Variants in FNDC3A observed in about 807,000 individuals in gnomAD.
The protein encoded by FNDC3A is fibronectin type III domain containing 3A.
Under a neutral mutation model 148.9 loss-of-function variants are expected in FNDC3A, and 32 were observed. The ratio of observed to expected loss-of-function variants is 0.21; its 90% confidence interval spans 0.16 to 0.29. The LOEUF (loss-of-function observed/expected upper bound fraction) is 0.29, where lower values mean the gene tolerates loss of function less well. Ranked by LOEUF, FNDC3A falls within the 10% of genes least tolerant of loss-of-function variation. FNDC3A has a pLI of 1.00. For missense variants in FNDC3A, 1,191 were observed against 1,452.8 expected, an observed-to-expected ratio of 0.82 and a Z score of 2.93; for synonymous variants, 472 against 473.6, an observed-to-expected ratio of 1.00 and a Z score of 0.04.
rs141012822 is a variant in FNDC3A at position 49,075,516 on chromosome 13, C to T, written c.175+152C>T. The T allele has an allele frequency of 2.0e-3, 1,059 of 540,566 alleles. 3 individuals are homozygous for T. Among genetic ancestry groups the T allele is most frequent in the Middle Eastern group, 0.016 (34 of 2,062 alleles). The allele number at this position is 540,566 out of a possible 1,614,324, so 33.5% of individuals were successfully genotyped here. On this transcript the variant is annotated intron_variant, in intron 3 of 25. Coordinates refer to ENST00000492622, the MANE Select transcript of FNDC3A (RefSeq NM_001079673.2). ...CTGATATCTTAGCATTTAAGTATTG[C>T]AGTGTCATTCTAACTAGTCTCTTTG...
intron 2 of FNDC3A, among the ~76,000 whole-genome samples, chr13:49,025,577 C>T (rs563186550): frequency 3.3e-5 from 5 of 152,138 alleles, no homozygotes; most frequent in African/African-American, 1.2e-4. Flanking sequence ...GTAAACTTAA[C>T]TGATACACTA....
chr13:49,066,904 T>C (rs1471083640), intron 2 of FNDC3A, among the ~76,000 whole-genome samples: 1 of 152,182 alleles, frequency 6.6e-6, no homozygotes, highest in Non-Finnish European at 1.5e-5. Context: ...AACCCATTCA[T>C]ATGAGACTAG....
In FNDC3A at chr13:49,131,241, A is replaced by G. The variant is rs1175666391; in HGVS notation, c.357A>G (p.Leu119=). ...TVLHRSPHPP[L]PGFIPVPTMM... ...TCCACCGTTCTCCACATCCTCCTCT[A>G]CCTGGTTTCATTCCTGTCCCAACTA... is the stretch of plus-strand genomic sequence containing the variant. Residue 119 remains leucine (L), a synonymous_variant, in exon 5 of 26, where the codon CTA becomes CTG. Coordinates refer to ENST00000492622, the MANE Select transcript of FNDC3A (RefSeq NM_001079673.2). 1.2e-6 allele frequency: 2 copies of G among 1,613,826 alleles called. No individual in the cohort carries two copies. The highest frequency in any genetic ancestry group is 2.2e-5 in the South Asian group (2 of 91,052).
At chr13:49,154,032 G>T (rs1883493130) in intron 8 of FNDC3A, among the ~76,000 whole-genome samples, 1 of 112,422 alleles carries the variant, frequency 8.9e-6, no homozygotes, top group Non-Finnish European at 1.8e-5. Flanking sequence ...GAACTTTAAA[G>T]TAGTTTTTTC....
In FNDC3A at chr13:49,188,633, G is replaced by A. The variant is rs1418645069; in HGVS notation, c.1944G>A (p.Ala648=). ...GCATCAGTGATGGAGGACAGAGTGC[G>A]GTAATACTTATATGTAGATTCTTTT... The part of the protein sequence containing the change: ...VYCISDGGQS[A]VSESLLVQTP... Residue 648 remains alanine, a splice_region_variant and synonymous_variant, in exon 17 of 26, where the codon GCG becomes GCA. Transcript: ENST00000492622. 3 of 1,583,078 alleles carry A rather than the reference G, an allele frequency of 1.9e-6. No homozygotes were observed. Among genetic ancestry groups the A allele is most frequent in the African/African-American group, 1.3e-5 (1 of 74,446 alleles).
chr13:49,035,176 CAT>C (rs1017648797), intron 2 of FNDC3A, among the ~76,000 whole-genome samples: 9 of 152,126 alleles, frequency 5.9e-5, no homozygotes, highest in African/African-American at 1.4e-4. Flanking sequence ...CCAACCCACA[CAT>C]GTGTATAAGT....
At chr13:48,998,588 A>C (rs1277110766) in intron 1 of FNDC3A, among the ~76,000 whole-genome samples, 1 of 152,228 alleles carries the variant, frequency 6.6e-6, no homozygotes, top group Non-Finnish European at 1.5e-5. Context: ...AATCTTAAAC[A>C]CTTTTGGTCC....
chr13:49,082,278 C>T (rs968280342), intron 3 of FNDC3A, among the ~76,000 whole-genome samples: 1 of 151,862 alleles, frequency 6.6e-6, no homozygotes, highest in Non-Finnish European at 1.5e-5. Context: ...CCCAGCTATT[C>T]GGGAGGCAGA....
intron 1 of FNDC3A, among the ~76,000 whole-genome samples, chr13:48,992,864 A>C (rs759356081): frequency 3.9e-5 from 6 of 152,140 alleles, no homozygotes; most frequent in Non-Finnish European, 7.4e-5. Flanking sequence ...TTACTTTTGC[A>C]CCAACCAAGT....
intron 4 of FNDC3A, among the ~76,000 whole-genome samples, chr13:49,121,783 C>G (rs1046855101): frequency 2.0e-5 from 3 of 152,124 alleles, no homozygotes; most frequent in Admixed American, 2.0e-4. Context: ...ATACACCCCC[C>G]CAAAGACTAA....
At chr13:49,110,280 CTT>C in intron 3 of FNDC3A, 1 of 1,448,694 alleles carries the variant, frequency 6.9e-7, no homozygotes, top group Admixed American at 2.4e-5. Flanking sequence ...GTCAAAGGAT[CTT>C]TTCCTCTTAC....
intron 1 of FNDC3A, among the ~76,000 whole-genome samples, chr13:49,002,361 T>G (rs1338762134): frequency 1.3e-5 from 2 of 152,188 alleles, no homozygotes; most frequent in Non-Finnish European, 2.9e-5. Context: ...TGAGTTTATT[T>G]TTATTATGAA....
At chr13:48,998,039 T>C (rs1311806281) in intron 1 of FNDC3A, among the ~76,000 whole-genome samples, 2 of 151,996 alleles carry the variant, frequency 1.3e-5, no homozygotes, top group Non-Finnish European at 2.9e-5. Context: ...GAACAGAATG[T>C]CATTTGAAAA....
At chr13:48,989,321 T>C (rs1159208377) in intron 1 of FNDC3A, among the ~76,000 whole-genome samples, 3 of 152,164 alleles carry the variant, frequency 2.0e-5, no homozygotes, top group Non-Finnish European at 4.4e-5. Flanking sequence ...TTCAAATTAC[T>C]GAGTCTGCAA....
At chr13:49,106,835 C>A (rs1012478181) in intron 3 of FNDC3A, among the ~76,000 whole-genome samples, 3 of 118,132 alleles carry the variant, frequency 2.5e-5, no homozygotes, top group African/African-American at 9.7e-5. Context: ...AAGCTAATGA[C>A]AGAATAAACA....
upstream of FNDC3A, chr13:48,975,855 G>A (rs1951587602): frequency 6.6e-6 from 1 of 151,534 alleles, no homozygotes; most frequent in Admixed American, 6.6e-5. Flanking sequence ...TCCCGGCCGC[G>A]GGCTCCGTCG....
intron 2 of FNDC3A, among the ~76,000 whole-genome samples, chr13:49,025,131 A>G (rs1873609361): frequency 6.6e-6 from 1 of 152,030 alleles, no homozygotes; most frequent in Admixed American, 6.6e-5. Flanking sequence ...TGGAATTGAA[A>G]TACAATTCCA....
At chr13:49,025,075 TA>T (rs1214275264) in intron 2 of FNDC3A, among the ~76,000 whole-genome samples, 1 of 152,056 alleles carries the variant, frequency 6.6e-6, no homozygotes, top group Non-Finnish European at 1.5e-5. Context: ...GGACAAACCG[TA>T]AATCATTAGA....
intron 2 of FNDC3A, among the ~76,000 whole-genome samples, chr13:49,072,965 G>C (rs2137772140): frequency 6.6e-6 from 1 of 152,164 alleles, no homozygotes; most frequent in South Asian, 2.1e-4. Flanking sequence ...TCTGTCTCTT[G>C]CCTAATTTCT....
Sources: gnomAD v4.1 joint callset for allele counts (sites outside exome capture counted in the v4.1 genomes callset) on GRCh38, gnomAD v4.1.1 for gene constraint, MANE v1.5 for transcripts, NCBI Gene and HGNC (gene_info 2026-07-23, HGNC 2026-07-21) for gene names.